The following HMCN2 variants were observed in gnomAD, a reference collection of about 807,000 sequenced individuals.
The protein encoded by HMCN2 is hemicentin 2, also known as hemicentin-2.
Under a neutral mutation model 377.5 loss-of-function variants are expected in HMCN2, and 325 were observed. That is an observed-to-expected ratio of 0.86 (90% CI 0.79 to 0.94). The LOEUF (loss-of-function observed/expected upper bound fraction) is 0.94, where lower values mean the gene tolerates loss of function less well. Among genes scored for constraint, HMCN2 ranks in the 40% least tolerant of loss-of-function variants. The pLI is 0.00. For missense variants in HMCN2, 4,543 were observed against 4,725.3 expected (o/e 0.96, Z 1.13); for synonymous variants, 2,007 against 2,046.8 (o/e 0.98, Z 0.53).
rs1053857246 is a variant in HMCN2, at chr9:130,412,458, A to G, written c.12961+1806A>G. Among the ~76,000 whole-genome samples the G allele has an allele frequency of 2.1e-4, 32 of 152,264 alleles. 1 individual carries two copies. Among genetic ancestry groups the G allele is most frequent in the Admixed American group, 1.7e-3 (26 of 15,296 alleles). ...AAGTGTTAAAATTTGGTGAAGTCCA[A>G]ATTTATCCATTGTGTATTTTTTGAA... On this transcript the variant is annotated intron_variant, in intron 85 of 97. Coordinates refer to ENST00000683500, the MANE Select transcript of HMCN2 (RefSeq NM_001291815.2).
At chr9:130,293,861 G>T (rs527631303) in intron 4 of HMCN2, among the ~76,000 whole-genome samples, 1 of 152,182 alleles carries the variant, frequency 6.6e-6, no homozygotes, top group Non-Finnish European at 1.5e-5. Flanking sequence ...ATGTATCAGG[G>T]AACAGAGCCT....
rs1838104196 is a variant in HMCN2 at position 130,325,827 on chromosome 9, C to A, written c.3050C>A (p.Thr1017Asn). The A allele has an allele frequency of 2.0e-5, 3 of 152,334 alleles. No individual in the cohort carries two copies. Among genetic ancestry groups the A allele is most frequent in the Non-Finnish European group, 4.4e-5 (3 of 68,126 alleles). 9.4% of individuals were successfully genotyped at this position (152,334 alleles called of 1,614,324 possible). The part of the protein sequence containing the change: ...ITWTKETNAL[T>N]SRGPHYNVSK... ...CTGCCCTAGGAAACCAATGCCCTGA[C>A]CTCCAGAGGTCCCCACTACAATGTG... Residue 1017 changes from threonine to asparagine, a missense_variant, in exon 21 of 98, where the codon ACC becomes AAC. This residue lies in a region of HMCN2 where 547 missense variants were observed against 189.9 expected (regional missense o/e 2.88). Transcript: ENST00000683500.
intron 14 of HMCN2, 101 bp downstream of exon 14, chr9:130,307,667 A>C (rs28435140): frequency 0.42 from 191,596 of 454,800 alleles, 45,296 homozygotes; most frequent in African/African-American, 0.79. Flanking sequence ...GGAGAGCTGG[A>C]AGGTTCTGCT....
At chr9:130,375,778 A>G (rs1841344815) in intron 50 of HMCN2, 42 bp downstream of exon 50, 1 of 983,780 alleles carries the variant, frequency 1.0e-6, no homozygotes. Flanking sequence ...AACAGGTGAC[A>G]TGTCATCAGA....
chr9:130,371,999 C>T (rs987592373), intron 46 of HMCN2, among the ~76,000 whole-genome samples: 8 of 152,172 alleles, frequency 5.3e-5, no homozygotes, highest in Non-Finnish European at 8.8e-5. Context: ...TAACCCATTA[C>T]TCTCCCTTCA....
intron 62 of HMCN2, among the ~76,000 whole-genome samples, chr9:130,390,497 C>T (rs1434014665): frequency 6.6e-6 from 1 of 151,692 alleles, no homozygotes; most frequent in East Asian, 1.9e-4. Context: ...GGGCTGGGGC[C>T]GTGAGAGATG....
chr9:130,425,502 C>T (rs542020539), intron 89 of HMCN2, among the ~76,000 whole-genome samples, 185 bp from the exon 90 acceptor site: 1 of 152,030 alleles, frequency 6.6e-6, no homozygotes, highest in Non-Finnish European at 1.5e-5. Flanking sequence ...TCCCAAGGCT[C>T]ACCCCATCTC....
At position 130,393,840 on chromosome 9, in the gene HMCN2, C is replaced by A. The variant is rs887072140; in HGVS notation, c.10333C>A (p.Pro3445Thr). 1.6e-6 allele frequency: 2 copies of A among 1,289,376 alleles called. No homozygotes were observed. Among genetic ancestry groups the A allele is most frequent in the Admixed American group, 2.3e-5 (1 of 43,508 alleles). The allele number at this position is 1,289,376 out of a possible 1,614,324, so 79.9% of individuals were successfully genotyped here. ...GTGCGAGGCCCGGGGCGTTCCCCTGCCTCTCGTGTCGTGGATGAAGGATGG... is the reference window on the plus strand; with the variant it reads ...GTGCGAGGCCCGGGGCGTTCCCCTGACTCTCGTGTCGTGGATGAAGGATGG... ...LPCEARGVPL[P>T]LVSWMKDGEP... Residue 3445 changes from proline to threonine, a missense_variant, in exon 68 of 98, where the codon CCT becomes ACT. By Grantham distance (38) the Pro-to-Thr change is conservative (BLOSUM62 -1). Coordinates refer to ENST00000683500, the MANE Select transcript of HMCN2 (RefSeq NM_001291815.2). This position sits in a 1 kb window ranked among gnomAD's most constrained non-coding sequence, Gnocchi z 5.2.
intron 97 of HMCN2, chr9:130,433,084 C>A (rs1322976341): frequency 4.4e-6 from 2 of 453,796 alleles, no homozygotes. Flanking sequence ...GTCTGCTGGG[C>A]TTCCCTGGGG....
rs191245679 is a variant in HMCN2, at chr9:130,271,118, C to T, written c.259+4981C>T. Among the ~76,000 whole-genome samples, 3 of 148,728 alleles carry T rather than the reference C, an allele frequency of 2.0e-5. No homozygotes were observed. In the Admixed American group the frequency reaches 2.0e-4, roughly 10 times the overall value. On this transcript the variant is annotated intron_variant, in intron 1 of 97. Coordinates refer to ENST00000683500, the MANE Select transcript of HMCN2 (RefSeq NM_001291815.2). ...GAAGACCCAGCATTAAAATACCATTCTCATCGTCTCATATCAAGAGCACAC... is the reference window on the plus strand; with the variant it reads ...GAAGACCCAGCATTAAAATACCATTTTCATCGTCTCATATCAAGAGCACAC...
At chr9:130,318,208 T>A (rs1418805846) in intron 15 of HMCN2, among the ~76,000 whole-genome samples, 3 of 152,208 alleles carry the variant, frequency 2.0e-5, no homozygotes, top group African/African-American at 7.2e-5. Flanking sequence ...TGTTTATATC[T>A]GCCTGGAACT....
At chr9:130,311,194 A>G (rs1192513377) in intron 15 of HMCN2, among the ~76,000 whole-genome samples, 2 of 152,220 alleles carry the variant, frequency 1.3e-5, no homozygotes. Flanking sequence ...CTAGAGTTCT[A>G]GGGAAGCGCA....
intron 83 of HMCN2, among the ~76,000 whole-genome samples, chr9:130,408,058 A>G (rs1379069576): frequency 6.6e-6 from 1 of 152,190 alleles, no homozygotes; most frequent in African/African-American, 2.4e-5. Context: ...TGGCAGAAAA[A>G]TGCCAGAAGC....
intron 82 of HMCN2, chr9:130,406,747 C>T (rs2131735670): frequency 6.3e-6 from 1 of 158,650 alleles, no homozygotes; most frequent in Non-Finnish European, 1.4e-5. Flanking sequence ...TGGGGAGGGA[C>T]CTTGGGCAGG....
chr9:130,373,550 C>A, intron 48 of HMCN2, among the ~76,000 whole-genome samples: 1 of 135,004 alleles, frequency 7.4e-6, no homozygotes, highest in Non-Finnish European at 1.6e-5. Flanking sequence ...GGCTCCCATT[C>A]GTGCTTATGG....
In HMCN2 at chr9:130,277,680, TACCACCATCATCATCACCACC is replaced by T. The variant is rs1554923584; in HGVS notation, c.260-6894_260-6874del. The stretch of plus-strand genomic sequence containing the variant: ...ATCAAAACAATGGTAACATCACTAT[TACCACCATCATCATCACCACC>T]ACCACCATCATCATCACCACCACCA... On this transcript the variant is annotated intron_variant, in intron 1 of 97. Coordinates refer to ENST00000683500, the MANE Select transcript of HMCN2 (RefSeq NM_001291815.2). Among the ~76,000 whole-genome samples the T allele has an allele frequency of 1.1e-3, 158 of 143,912 alleles. No homozygotes were observed. The South Asian group carries it at 0.014, about 12-fold the overall frequency. 94.4% of individuals were successfully genotyped at this position (143,912 alleles called of 152,430 possible).
intron 15 of HMCN2, among the ~76,000 whole-genome samples, chr9:130,312,748 C>A (rs1162723093): frequency 2.0e-5 from 3 of 151,024 alleles, no homozygotes; most frequent in South Asian, 4.2e-4. Flanking sequence ...TCACTGCAAC[C>A]TCTACCTCCT....
chr9:130,367,545 G>A (rs147912059), intron 43 of HMCN2, among the ~76,000 whole-genome samples: 2,814 of 152,170 alleles, frequency 0.018, 31 homozygotes, highest in South Asian at 0.048. Context: ...TCCACCAGTT[G>A]CCTGGTCACC....
At chr9:130,427,282 G>T in intron 90 of HMCN2, 31 bp from the exon 91 acceptor site, 1 of 1,549,698 alleles carries the variant, frequency 6.5e-7, no homozygotes, top group Non-Finnish European at 8.7e-7. Context: ...ACACCCTCAT[G>T]TCCTTAGAGT....
Sources: gnomAD v4.1 joint callset for allele counts (sites outside exome capture counted in the v4.1 genomes callset) on GRCh38, gnomAD v4.1.1 for gene constraint, gnomAD v4.1.1 regional missense constraint, Gnocchi (gnomAD v3.1) non-coding constraint, MANE v1.5 for transcripts, NCBI Gene and HGNC (gene_info 2026-07-23, HGNC 2026-07-21) for gene names.